The following DTNB variants were observed in gnomAD, a reference collection of about 807,000 sequenced individuals.
DTNB encodes dystrobrevin beta.
Under a neutral mutation model 90.7 loss-of-function variants are expected in DTNB, and 63 were observed. The ratio of observed to expected loss-of-function variants is 0.69; its 90% confidence interval spans 0.57 to 0.86. DTNB has a LOEUF of 0.86. DTNB is among the 40% of genes least tolerant of loss of function. The pLI, the probability that DTNB is intolerant of heterozygous loss-of-function variation, is 0.00. For synonymous variants in DTNB, 277 were observed against 286.7 expected, an observed-to-expected ratio of 0.97 and a Z score of 0.34; for missense variants, 744 against 807.1, an observed-to-expected ratio of 0.92 and a Z score of 0.95.
intron 16 of DTNB, among the ~76,000 whole-genome samples, chr2:25,416,324 G>C (rs1355627968): frequency 6.6e-6 from 1 of 152,208 alleles, no homozygotes; most frequent in Non-Finnish European, 1.5e-5. Context: ...AGCCAGTTTT[G>C]GGAAGCACAT....
At chr2:25,381,484 G>A (rs1220235361) in intron 19 of DTNB, among the ~76,000 whole-genome samples, 1 of 152,138 alleles carries the variant, frequency 6.6e-6, no homozygotes, top group Non-Finnish European at 1.5e-5. Context: ...GGCTCAAGCA[G>A]TCCTCCTGCC....
intron 6 of DTNB, among the ~76,000 whole-genome samples, chr2:25,583,263 ATATAT>A (rs372433028): frequency 9.0e-5 from 11 of 122,486 alleles, no homozygotes; most frequent in African/African-American, 2.9e-4. Context: ...AAAAAAAAAA[ATATAT>A]ATATATATAT....
intron 9 of DTNB, among the ~76,000 whole-genome samples, chr2:25,494,472 G>C (rs1182996950): frequency 1.3e-5 from 2 of 150,294 alleles, no homozygotes; most frequent in Non-Finnish European, 3.0e-5. Context: ...TAAGGGGGGT[G>C]GGGGGAGGAG....
At chr2:25,664,795 CTGAAG>C (rs1020960487) in intron 1 of DTNB, among the ~76,000 whole-genome samples, 54 of 152,260 alleles carry the variant, frequency 3.5e-4, no homozygotes, top group African/African-American at 1.3e-3. Context: ...GTAACTTGGC[CTGAAG>C]TTGCAAAGCT....
intron 15 of DTNB, among the ~76,000 whole-genome samples, chr2:25,422,144 A>G (rs2049923293): frequency 1.3e-5 from 2 of 152,214 alleles, no homozygotes; most frequent in African/African-American, 4.8e-5. Flanking sequence ...CAAGGGATAG[A>G]GCCAACGTGA....
chr2:25,534,934 C>T (rs503594), intron 8 of DTNB, among the ~76,000 whole-genome samples: 37,316 of 135,996 alleles, frequency 0.27, 5,838 homozygotes, highest in East Asian at 0.52. Flanking sequence ...AGATGAAGAG[C>T]GGGTGGGCAG....
At chr2:25,418,200 G>A (rs746824113) in intron 16 of DTNB, among the ~76,000 whole-genome samples, 3 of 152,056 alleles carry the variant, frequency 2.0e-5, no homozygotes, top group Non-Finnish European at 2.9e-5. Context: ...CTGGGTTGTC[G>A]GCCACTCTTG....
At chr2:25,450,587 G>A (rs2059133791) in intron 12 of DTNB, among the ~76,000 whole-genome samples, 1 of 152,130 alleles carries the variant, frequency 6.6e-6, no homozygotes, top group African/African-American at 2.4e-5. Context: ...CTATAAAAAA[G>A]CCTGTTGAGA....
In DTNB at chr2:25,388,276, C is replaced by G; in HGVS notation, c.1661G>C (p.Gly554Ala). Reference protein sequence around the residue: ...MPMPVRSTSAGSTPTHCPQDS... With the variant: ...MPMPVRSTSAASTPTHCPQDS... ...CTGCGGACAGTGGGTGGGGGTGGAG[C>G]CGGCAGACGTGGAGCGCACTGGCAT... Residue 554 changes from glycine to alanine, a missense_variant, in exon 17 of 21, where the codon GGC becomes GCC. Transcript: ENST00000406818. The G allele has an allele frequency of 1.2e-6, 2 of 1,611,428 alleles. No individual in the cohort carries two copies. Among genetic ancestry groups the G allele is most frequent in the Middle Eastern group, 1.7e-4 (1 of 6,028 alleles).
chr2:25,565,212 C>T lies in DTNB; in HGVS notation c.876+11626G>A, dbSNP rs2058837279. On this transcript the variant is annotated intron_variant, in intron 8 of 20. Transcript: ENST00000406818. Reference sequence around the variant, plus strand: ...TTTAGGGGAAAAGCTTTCAGTCTTTCACTATTAAGTATGATGTTAACTGTG... The same window carrying T: ...TTTAGGGGAAAAGCTTTCAGTCTTTTACTATTAAGTATGATGTTAACTGTG... 3.3e-5 allele frequency among the ~76,000 whole-genome samples: 5 copies of T among 152,072 alleles called. No individual in the cohort carries two copies. The South Asian group carries it at 8.3e-4, about 25-fold the overall frequency.
intron 6 of DTNB, among the ~76,000 whole-genome samples, chr2:25,588,376 T>A (rs79011087): frequency 0.015 from 2,252 of 152,204 alleles, 62 homozygotes; most frequent in African/African-American, 0.051. Context: ...GAACTTTTTT[T>A]TTTTTTTTGA....
rs1345251855 is a variant in DTNB, at chr2:25,383,881, C to A, written c.1834G>T (p.Gly612Cys). 1 of 1,613,936 alleles carries A rather than the reference C, an allele frequency of 6.2e-7. No individual in the cohort carries two copies. Among genetic ancestry groups the A allele is most frequent in the African/African-American group, 1.3e-5 (1 of 74,938 alleles). Residue 612 changes from glycine (G) to cysteine (C), a missense_variant, in exon 19 of 21, where the codon GGT becomes TGT. Gly to Cys is a radical substitution (Grantham distance 159). Transcript: ENST00000406818. ...ATCTTCTCTTCTTCTTCCTCTGCAC[C>A]TTCCTCTGCTGTGAAAACAAGTCCA... is the stretch of plus-strand genomic sequence containing the variant. The part of the protein sequence containing the change: ...LVKELHSAEE[G>C]AEEEEEKMQN...
chr2:25,548,412 G>GT (rs61377184), intron 8 of DTNB, among the ~76,000 whole-genome samples: 240 of 145,502 alleles, frequency 1.6e-3, no homozygotes, highest in East Asian at 2.2e-3. Context: ...GTGTGTTAAG[G>GT]TTTTTTTTTT....
At chr2:25,669,819 G>A (rs1018474420) in intron 1 of DTNB, among the ~76,000 whole-genome samples, 1 of 151,848 alleles carries the variant, frequency 6.6e-6, no homozygotes, top group Non-Finnish European at 1.5e-5. Context: ...TGGCACGCAA[G>A]TGTAGTCCCA....
chr2:25,461,992 C>G (rs528511697), intron 10 of DTNB, among the ~76,000 whole-genome samples: 1 of 152,194 alleles, frequency 6.6e-6, no homozygotes, highest in South Asian at 2.1e-4. Flanking sequence ...TAAGCCAATG[C>G]TAATGATGAC....
intron 4 of DTNB, among the ~76,000 whole-genome samples, chr2:25,616,945 AAAAAAAAGG>A (rs776208985): frequency 2.2e-5 from 3 of 135,240 alleles, no homozygotes; most frequent in African/African-American, 5.5e-5. Flanking sequence ...AAAAAAAAAA[AAAAAAAAGG>A]AAAAAAAAGA....
At chr2:25,553,106 C>G (rs965870043) in intron 8 of DTNB, among the ~76,000 whole-genome samples, 2 of 151,666 alleles carry the variant, frequency 1.3e-5, no homozygotes, top group Admixed American at 1.3e-4. Context: ...ATGATCCACC[C>G]GCCTCGGCCT....
At chr2:25,596,908 C>T (rs943518552) in intron 5 of DTNB, among the ~76,000 whole-genome samples, 1 of 152,078 alleles carries the variant, frequency 6.6e-6, no homozygotes, top group Non-Finnish European at 1.5e-5. Context: ...AATATTACTC[C>T]AACTTTATCT....
chr2:25,454,617 G>T (rs1479867430), intron 11 of DTNB, among the ~76,000 whole-genome samples: 1 of 152,144 alleles, frequency 6.6e-6, no homozygotes, highest in Non-Finnish European at 1.5e-5. Context: ...GAGTGAGCAG[G>T]AGACTTTGGA....
Sources: allele counts gnomAD v4.1 joint callset (sites outside exome capture counted in the v4.1 genomes callset), GRCh38; gene constraint gnomAD v4.1.1; transcripts MANE v1.5; gene names NCBI Gene and HGNC (gene_info 2026-07-23, HGNC 2026-07-21).